Variants in NAALADL2 observed in about 807,000 individuals in gnomAD.
The protein encoded by NAALADL2 is N-acetylated alpha-linked acidic dipeptidase like 2.
A neutral mutation model predicts 87.2 loss-of-function variants in NAALADL2; 76 were observed. The ratio of observed to expected loss-of-function variants is 0.87; its 90% CI spans 0.72 to 1.05. NAALADL2 has a LOEUF of 1.05. Ranked by LOEUF, NAALADL2 falls within the 50% of genes least tolerant of loss-of-function variation. The probability of loss-of-function intolerance (pLI) is 0.00; values close to 1 mark genes in which losing one functional copy is unlikely to be tolerated. For missense variants in NAALADL2, 1,089 were observed against 945.8 expected (o/e 1.15, Z -1.99); for synonymous variants, 354 against 331.0 (o/e 1.07, Z -0.75).
chr3:175,477,213 AC>A (rs993616685), intron 9 of NAALADL2, among the ~76,000 whole-genome samples: 1 of 152,096 alleles, frequency 6.6e-6, no homozygotes, highest in African/African-American at 2.4e-5. Context: ...TGTTTCTTAA[AC>A]TTCTTTCAGT....
intron 2 of NAALADL2, among the ~76,000 whole-genome samples, chr3:175,204,158 A>G (rs528085178): frequency 6.6e-6 from 1 of 152,298 alleles, no homozygotes; most frequent in South Asian, 2.1e-4. Flanking sequence ...AAAACTACAG[A>G]CCAATATCCT....
chr3:175,335,860 A>G (rs547056964), intron 5 of NAALADL2, among the ~76,000 whole-genome samples: 3 of 152,296 alleles, frequency 2.0e-5, no homozygotes, highest in South Asian at 4.1e-4. Context: ...TTAGAGTTGA[A>G]GAGTATAAAT....
At chr3:174,993,680 A>G (rs1381169431) in intron 1 of NAALADL2, among the ~76,000 whole-genome samples, 1 of 152,154 alleles carries the variant, frequency 6.6e-6, no homozygotes, top group Non-Finnish European at 1.5e-5. Flanking sequence ...TAAGAGTTAG[A>G]AAAATGAGGA....
At chr3:175,594,139 C>A (rs79915338) in intron 10 of NAALADL2, among the ~76,000 whole-genome samples, 13 of 152,052 alleles carry the variant, frequency 8.5e-5, no homozygotes, top group African/African-American at 3.1e-4. Context: ...AACCCACGCA[C>A]GCCTCCTTGG....
chr3:174,906,682 C>T (rs1165313417), intron 1 of NAALADL2, among the ~76,000 whole-genome samples: 1 of 152,094 alleles, frequency 6.6e-6, no homozygotes, highest in East Asian at 1.9e-4. Flanking sequence ...ACCACAGCTT[C>T]CAACAATTCC....
At position 175,318,395 on chromosome 3, in the gene NAALADL2, T is replaced by G. The variant is rs144617976; in HGVS notation, c.940-5780T>G. Among the ~76,000 whole-genome samples, 265 of 152,216 alleles carry G rather than the reference T, an allele frequency of 1.7e-3. 1 individual carries two copies. Among genetic ancestry groups the G allele is most frequent in the African/African-American group, 6.0e-3 (251 of 41,550 alleles). ...ACTTTTTTTTCCTTTGCCTACACCT[T>G]TTTCTCTGTGATGATCATGAATTAC... On this transcript the variant is annotated intron_variant, in intron 4 of 13. Coordinates refer to ENST00000454872, the MANE Select transcript of NAALADL2 (RefSeq NM_207015.3).
chr3:175,735,650 A>C (rs1744398072), intron 11 of NAALADL2, among the ~76,000 whole-genome samples: 1 of 152,168 alleles, frequency 6.6e-6, no homozygotes, highest in Non-Finnish European at 1.5e-5. Context: ...TAACACCATC[A>C]GATCTTGTGA....
intron 4 of NAALADL2, among the ~76,000 whole-genome samples, chr3:175,276,297 ATTTTTTTTT>A (rs10645974): frequency 2.2e-5 from 3 of 133,570 alleles, no homozygotes; most frequent in Admixed American, 7.9e-5. Context: ...CGCTTTGCAA[ATTTTTTTTT>A]TTTTTTTTTT....
At position 175,093,414 on chromosome 3, in the gene NAALADL2, T is replaced by TATATA. The variant is rs1553771396; in HGVS notation, c.44-3376_44-3375insATATA. The stretch of plus-strand genomic sequence containing the variant: ...TTTTTTTGTTGAGTTCATTTTATTT[T>TATATA]TTTATATATATATATATATGTTTTA... On this transcript the variant is annotated intron_variant, in intron 1 of 13. Coordinates refer to ENST00000454872, the MANE Select transcript of NAALADL2 (RefSeq NM_207015.3). 1.2e-3 allele frequency among the ~76,000 whole-genome samples: 147 copies of TATATA among 117,720 alleles called. 1 individual carries two copies. Among genetic ancestry groups the TATATA allele is most frequent in the South Asian group, 2.2e-3 (9 of 4,160 alleles). The allele number at this position is 117,720 out of a possible 152,430, so 77.2% of individuals were successfully genotyped here.
chr3:175,202,588 T>G (rs1315141158), intron 2 of NAALADL2, among the ~76,000 whole-genome samples: 1 of 152,194 alleles, frequency 6.6e-6, no homozygotes, highest in African/African-American at 2.4e-5. Context: ...ATTTTTGTGC[T>G]GGTGGGCCTC....
At chr3:174,708,519 G>A (rs926627810) in intron 2 of NAALADL2, among the ~76,000 whole-genome samples, 15 of 152,046 alleles carry the variant, frequency 9.9e-5, no homozygotes, top group African/African-American at 3.1e-4. Flanking sequence ...TCAGTAATTC[G>A]TTAGGGACCA....
rs150340148 is a variant in NAALADL2 at position 175,514,699 on chromosome 3, T to C, written c.1653+42941T>C. On this transcript the variant is annotated intron_variant, in intron 9 of 13. Transcript: ENST00000454872. The stretch of plus-strand genomic sequence containing the variant: ...AGAACTCCTGATAAAATCTGAAATA[T>C]GGGCCACACAAGCACACAGAGTCTG... 8.7e-4 allele frequency among the ~76,000 whole-genome samples: 133 copies of C among 152,254 alleles called. No homozygotes were observed. The Middle Eastern group carries it at 0.014, about 16-fold the overall frequency.
At chr3:174,810,702 G>T (rs561563081) in intron 3 of NAALADL2, among the ~76,000 whole-genome samples, 2 of 152,002 alleles carry the variant, frequency 1.3e-5, no homozygotes, top group African/African-American at 2.4e-5. Context: ...AAAAAGAAAA[G>T]CTCATTTTCC....
At chr3:174,692,569 G>A (rs1027198710) in intron 2 of NAALADL2, among the ~76,000 whole-genome samples, 1 of 152,082 alleles carries the variant, frequency 6.6e-6, no homozygotes, top group Non-Finnish European at 1.5e-5. Flanking sequence ...TGTTCTGGAA[G>A]CTGTATTTTA....
intron 2 of NAALADL2, among the ~76,000 whole-genome samples, chr3:175,191,565 T>A (rs984513741): frequency 6.6e-6 from 1 of 152,134 alleles, no homozygotes; most frequent in Non-Finnish European, 1.5e-5. Flanking sequence ...AAGCACCCCC[T>A]GAATGATATA....
chr3:175,186,332 G>A (rs1737333341), intron 2 of NAALADL2, among the ~76,000 whole-genome samples: 2 of 151,970 alleles, frequency 1.3e-5, no homozygotes, highest in African/African-American at 4.8e-5. Flanking sequence ...GGAATCCCAG[G>A]AACCAGTCAA....
chr3:175,775,981 G>C lies in NAALADL2; in HGVS notation c.2189+20563G>C, dbSNP rs142690426. Among the ~76,000 whole-genome samples, 343 of 152,202 alleles carry C rather than the reference G, an allele frequency of 2.3e-3. 2 individuals are homozygous for C. Among genetic ancestry groups the C allele is most frequent in the South Asian group, 0.016 (75 of 4,814 alleles). ...TTCATCCCTTTATGTCTTACCGTCT[G>C]TATCCTTTTCTCCCTCACTTCCGTC... On this transcript the variant is annotated intron_variant, in intron 13 of 13. Coordinates refer to ENST00000454872, the MANE Select transcript of NAALADL2 (RefSeq NM_207015.3).
chr3:175,644,209 T>A (rs1729669279), intron 11 of NAALADL2, among the ~76,000 whole-genome samples: 2 of 152,180 alleles, frequency 1.3e-5, no homozygotes, highest in African/African-American at 4.8e-5. Flanking sequence ...CAATTTCATG[T>A]GTTGAAAATA....
At chr3:174,842,299 C>T (rs978583402) in intron 3 of NAALADL2, among the ~76,000 whole-genome samples, 1 of 152,162 alleles carries the variant, frequency 6.6e-6, no homozygotes, top group Admixed American at 6.5e-5. Context: ...GATCCACTCA[C>T]CTCGGCCTCC....
Sources: gnomAD v4.1 joint callset for allele counts (sites outside exome capture counted in the v4.1 genomes callset) on GRCh38, gnomAD v4.1.1 for gene constraint, MANE v1.5 for transcripts, NCBI Gene and HGNC (gene_info 2026-07-23, HGNC 2026-07-21) for gene names.